Variants in CAMKMT observed in about 807,000 individuals in gnomAD.
CAMKMT encodes CaM KMT.
A neutral mutation model predicts 48.0 loss-of-function variants in CAMKMT; 53 were observed. That is an observed-to-expected ratio of 1.10 (90% CI 0.89 to 1.39). The LOEUF is 1.39. Among genes scored for constraint, CAMKMT ranks in the 40% most tolerant of loss-of-function variants. The pLI is 0.00. For synonymous variants in CAMKMT, 165 were observed against 152.3 expected (o/e 1.08, Z -0.61); for missense variants, 428 against 402.7 (o/e 1.06, Z -0.54).
chr2:44,495,731 C>G (rs984911155), intron 3 of CAMKMT, among the ~76,000 whole-genome samples: 2 of 152,120 alleles, frequency 1.3e-5, no homozygotes, highest in African/African-American at 4.8e-5. Context: ...CTAGTCAGCT[C>G]CATTCTTTAG....
chr2:44,689,336 T>A (rs1366043858), intron 3 of CAMKMT, among the ~76,000 whole-genome samples: 1 of 151,470 alleles, frequency 6.6e-6, no homozygotes, highest in Non-Finnish European at 1.5e-5. Flanking sequence ...TCTCGCTCTG[T>A]TGCCCAGGCT....
At chr2:44,748,384 T>G (rs1680005314) in intron 8 of CAMKMT, among the ~76,000 whole-genome samples, 1 of 152,152 alleles carries the variant, frequency 6.6e-6, no homozygotes, top group Non-Finnish European at 1.5e-5. Context: ...GCTCAGTTCT[T>G]AAGGTGCTGT....
At chr2:44,580,785 T>C (rs979138378) in intron 3 of CAMKMT, among the ~76,000 whole-genome samples, 1 of 152,186 alleles carries the variant, frequency 6.6e-6, no homozygotes, top group Non-Finnish European at 1.5e-5. Flanking sequence ...AGAATGGTAA[T>C]TATCAAACTT....
chr2:44,754,867 T>A (rs1351845333), intron 9 of CAMKMT, among the ~76,000 whole-genome samples: 1 of 152,046 alleles, frequency 6.6e-6, no homozygotes, highest in African/African-American at 2.4e-5. Context: ...AAAAAAACCT[T>A]ATAACTATGT....
In CAMKMT at chr2:44,499,601, A is replaced by G. The variant is rs1172704167; in HGVS notation, c.376+109296A>G. On this transcript the variant is annotated intron_variant, in intron 3 of 10. Transcript: ENST00000378494. Reference sequence around the variant, plus strand: ...ACACATTATTATCTTATATCCTTACAACAAAACGGGAATTCACTGTTCTTT... The same window carrying G: ...ACACATTATTATCTTATATCCTTACGACAAAACGGGAATTCACTGTTCTTT... Among the ~76,000 whole-genome samples the G allele has an allele frequency of 2.0e-5, 3 of 152,332 alleles. No homozygotes were observed. In the East Asian group the frequency reaches 5.8e-4, roughly 29 times the overall value.
chr2:44,387,585 T>C (rs1230943959), intron 2 of CAMKMT, among the ~76,000 whole-genome samples: 1 of 152,184 alleles, frequency 6.6e-6, no homozygotes, highest in African/African-American at 2.4e-5. Context: ...TGTTTTTTTT[T>C]GTTTTTGCTT....
intron 3 of CAMKMT, among the ~76,000 whole-genome samples, chr2:44,572,755 A>G (rs1287699381): frequency 6.6e-6 from 1 of 152,158 alleles, no homozygotes; most frequent in Non-Finnish European, 1.5e-5. Flanking sequence ...AGGTGTACAC[A>G]TGTCTACTGG....
chr2:44,694,263 T>C (rs1044959438), intron 3 of CAMKMT, among the ~76,000 whole-genome samples: 1 of 152,220 alleles, frequency 6.6e-6, no homozygotes, highest in African/African-American at 2.4e-5. Context: ...CCAGATTAAC[T>C]ATGAAACTTG....
intron 3 of CAMKMT, among the ~76,000 whole-genome samples, chr2:44,582,655 T>C (rs957697462): frequency 6.6e-6 from 1 of 152,194 alleles, no homozygotes; most frequent in Non-Finnish European, 1.5e-5. Flanking sequence ...AGTTAACTAC[T>C]TTATGTTCTT....
At chr2:44,506,681 G>C (rs1670277466) in intron 3 of CAMKMT, among the ~76,000 whole-genome samples, 1 of 152,084 alleles carries the variant, frequency 6.6e-6, no homozygotes, top group South Asian at 2.1e-4. Context: ...AACAACATGA[G>C]ACATTTCACA....
intron 3 of CAMKMT, among the ~76,000 whole-genome samples, chr2:44,400,354 A>G: frequency 6.6e-6 from 1 of 151,312 alleles, no homozygotes; most frequent in Non-Finnish European, 1.5e-5. Context: ...CTTTTAGAGA[A>G]AAAAAAAATG....
At chr2:44,754,234 T>C (rs1291763861) in intron 9 of CAMKMT, 116 bp downstream of exon 9, 1 of 768,678 alleles carries the variant, frequency 1.3e-6, no homozygotes, top group Non-Finnish European at 2.2e-6. Flanking sequence ...TTAATACTTA[T>C]TATGTCCAAC....
intron 10 of CAMKMT, 113 bp from the exon 11 acceptor site, chr2:44,771,923 C>A: frequency 1.0e-4 from 56 of 549,950 alleles, no homozygotes; most frequent in Middle Eastern, 1.1e-3. Context: ...ATTTATTTTT[C>A]CAGAACTATA....
intron 3 of CAMKMT, among the ~76,000 whole-genome samples, chr2:44,475,603 C>G (rs1317554480): frequency 6.6e-6 from 1 of 152,142 alleles, no homozygotes; most frequent in Non-Finnish European, 1.5e-5. Flanking sequence ...GCATGAGCCA[C>G]CGCGCCTGGC....
At chr2:44,736,159 T>G (rs2104356368) in intron 7 of CAMKMT, among the ~76,000 whole-genome samples, 1 of 152,344 alleles carries the variant, frequency 6.6e-6, no homozygotes, top group Admixed American at 6.5e-5. Flanking sequence ...TAATTTTTCT[T>G]CTGCCTTAAG....
intron 9 of CAMKMT, among the ~76,000 whole-genome samples, chr2:44,758,300 G>C (rs1680467205): frequency 6.6e-6 from 1 of 152,114 alleles, no homozygotes; most frequent in South Asian, 2.1e-4. Context: ...TTCTATACTG[G>C]AGCTATGAAT....
At chr2:44,585,201 T>C (rs1669791905) in intron 3 of CAMKMT, among the ~76,000 whole-genome samples, 1 of 152,214 alleles carries the variant, frequency 6.6e-6, no homozygotes, top group Non-Finnish European at 1.5e-5. Flanking sequence ...ATGAAATCAT[T>C]GAACAATCAA....
chr2:44,727,549 T>C (rs1050704673), intron 7 of CAMKMT, among the ~76,000 whole-genome samples: 4 of 152,230 alleles, frequency 2.6e-5, no homozygotes, highest in Non-Finnish European at 5.9e-5. Context: ...TATAGAATCA[T>C]ATCAACAGCA....
intron 3 of CAMKMT, among the ~76,000 whole-genome samples, chr2:44,563,670 G>A (rs1043560710): frequency 1.3e-5 from 2 of 151,224 alleles, no homozygotes; most frequent in African/African-American, 4.9e-5. Flanking sequence ...TCCCCACCCT[G>A]TGTCCAAGTG....
Sources: gnomAD v4.1 joint callset for allele counts (sites outside exome capture counted in the v4.1 genomes callset) on GRCh38, gnomAD v4.1.1 for gene constraint, MANE v1.5 for transcripts, NCBI Gene and HGNC (gene_info 2026-07-23, HGNC 2026-07-21) for gene names.